Variants in MBD5 observed in about 807,000 individuals in gnomAD.
The protein encoded by MBD5 is methyl-CpG-binding domain protein 5.
MBD5 carries 13 observed loss-of-function variants against 117.3 expected under a neutral mutation model. The ratio of observed to expected loss-of-function variants is 0.11; its 90% CI spans 0.07 to 0.18. MBD5 has a LOEUF of 0.18. Ranked by LOEUF, MBD5 falls within the 10% of genes least tolerant of loss-of-function variation. The probability of loss-of-function intolerance (pLI) is 1.00; values close to 1 mark genes in which losing one functional copy is unlikely to be tolerated. For missense variants in MBD5, 1,879 were observed against 2,093.8 expected (o/e 0.90, Z 2.00); for synonymous variants, 727 against 766.4 (o/e 0.95, Z 0.85).
chr2:148,149,517 T>C (rs1381936678), intron 1 of MBD5, among the ~76,000 whole-genome samples: 4 of 150,576 alleles, frequency 2.7e-5, no homozygotes, highest in East Asian at 2.0e-4. Flanking sequence ...ATCGCCACAC[T>C]GACTTCCACA....
At chr2:148,166,622 C>T (rs755408861) in intron 1 of MBD5, among the ~76,000 whole-genome samples, 22 of 152,186 alleles carry the variant, frequency 1.4e-4, no homozygotes, top group Non-Finnish European at 2.5e-4. Context: ...TGTGTATTTG[C>T]GTTTTCTCTG....
Position 148,458,320 on chromosome 2 carries a change from A to G in MBD5, c.-439A>G. The stretch of plus-strand genomic sequence containing the variant: ...AAGAATGTGGCCTATAAAGGCGGGT[A>G]CCTGGAAATATTAACCGACTCACAC... On this transcript the variant is annotated 5_prime_UTR_variant, in exon 5 of 14. Transcript: ENST00000642680. The G allele has an allele frequency of 2.4e-6, 1 of 413,066 alleles. No homozygotes were observed. Among genetic ancestry groups the G allele is most frequent in the East Asian group, 3.4e-5 (1 of 29,208 alleles). The allele number at this position is 413,066 out of a possible 1,614,324, so 25.6% of individuals were successfully genotyped here. A position where few individuals can be genotyped will look rare whatever the true frequency, so the allele number is the denominator to read the frequency against.
At chr2:148,418,800 C>T (rs1345955190) in intron 4 of MBD5, among the ~76,000 whole-genome samples, 1 of 151,902 alleles carries the variant, frequency 6.6e-6, no homozygotes, top group Non-Finnish European at 1.5e-5. Flanking sequence ...CATAGTGCCC[C>T]AAACAATCTA....
intron 3 of MBD5, among the ~76,000 whole-genome samples, chr2:148,281,263 C>A (rs187908209): frequency 1.1e-3 from 166 of 152,252 alleles, no homozygotes; most frequent in African/African-American, 3.8e-3. Flanking sequence ...CAGTTTTCAT[C>A]TCTCTGTATC....
intron 3 of MBD5, among the ~76,000 whole-genome samples, chr2:148,288,754 A>G (rs532113460): frequency 1.3e-5 from 2 of 152,144 alleles, no homozygotes; most frequent in South Asian, 2.1e-4. Flanking sequence ...TAGAAATAAT[A>G]AAAAGGAAAA....
chr2:148,429,845 A>C (rs375141202), intron 4 of MBD5, among the ~76,000 whole-genome samples: 1 of 152,036 alleles, frequency 6.6e-6, no homozygotes, highest in Non-Finnish European at 1.5e-5. Flanking sequence ...GGGGCCTGTC[A>C]TGGGGTGGGG....
intron 1 of MBD5, among the ~76,000 whole-genome samples, chr2:148,145,397 C>T (rs886076037): frequency 1.3e-5 from 2 of 152,116 alleles, no homozygotes; most frequent in African/African-American, 2.4e-5. Flanking sequence ...TCTGCTAACA[C>T]GGACAATGTG....
chr2:148,363,818 C>G (rs559326252), intron 4 of MBD5, among the ~76,000 whole-genome samples: 1 of 152,130 alleles, frequency 6.6e-6, no homozygotes, highest in East Asian at 1.9e-4. Context: ...AAGGAACAAA[C>G]AAACCCTCCA....
intron 1 of MBD5, among the ~76,000 whole-genome samples, chr2:148,096,205 A>G (rs1485452700): frequency 2.6e-5 from 4 of 152,174 alleles, no homozygotes; most frequent in Non-Finnish European, 5.9e-5. Context: ...GAATCATACA[A>G]TAGTCTTATT....
At chr2:148,435,988 G>A (rs552112494) in intron 4 of MBD5, among the ~76,000 whole-genome samples, 2 of 152,178 alleles carry the variant, frequency 1.3e-5, no homozygotes, top group South Asian at 2.1e-4. Flanking sequence ...TCAAGTAAAC[G>A]AAGGCAAATT....
chr2:148,402,791 TG>T (rs1221863332), intron 4 of MBD5, among the ~76,000 whole-genome samples: 6 of 152,224 alleles, frequency 3.9e-5, no homozygotes, highest in Non-Finnish European at 8.8e-5. Flanking sequence ...GGGTGTTTTT[TG>T]TTTTGATTAT....
At chr2:148,219,509 G>C (rs1699633328) in intron 2 of MBD5, among the ~76,000 whole-genome samples, 1 of 152,076 alleles carries the variant, frequency 6.6e-6, no homozygotes, top group Non-Finnish European at 1.5e-5. Flanking sequence ...ATATGCAATT[G>C]ATAGTTGACC....
At chr2:148,398,503 G>T (rs1351245087) in intron 4 of MBD5, among the ~76,000 whole-genome samples, 3 of 152,054 alleles carry the variant, frequency 2.0e-5, no homozygotes, top group African/African-American at 7.2e-5. Flanking sequence ...GGGGTTGTTT[G>T]TTTTTTTCTT....
At chr2:148,273,077 CTT>C (rs1701022582) in intron 3 of MBD5, among the ~76,000 whole-genome samples, 2 of 152,044 alleles carry the variant, frequency 1.3e-5, no homozygotes, top group South Asian at 4.1e-4. Context: ...AAACATTTCT[CTT>C]TGTTTCTTTA....
At chr2:148,263,691 C>T (rs1242277111) in intron 3 of MBD5, among the ~76,000 whole-genome samples, 1 of 152,076 alleles carries the variant, frequency 6.6e-6, no homozygotes, top group African/African-American at 2.4e-5. Context: ...GGACAGCTGC[C>T]CTGCTGCACA....
At chr2:148,108,097 T>C (rs1487655384) in intron 1 of MBD5, among the ~76,000 whole-genome samples, 1 of 146,936 alleles carries the variant, frequency 6.8e-6, no homozygotes, top group African/African-American at 2.5e-5. Flanking sequence ...CAAACTTCTG[T>C]ACAGCCAATT....
intron 4 of MBD5, among the ~76,000 whole-genome samples, chr2:148,405,350 G>A (rs918355352): frequency 2.6e-5 from 4 of 152,178 alleles, no homozygotes; most frequent in Admixed American, 6.5e-5. Context: ...CACGAGTGCT[G>A]AGAATAAGTC....
At chr2:148,428,337 A>T (rs1705873127) in intron 4 of MBD5, among the ~76,000 whole-genome samples, 1 of 152,174 alleles carries the variant, frequency 6.6e-6, no homozygotes, top group African/African-American at 2.4e-5. Flanking sequence ...TGCTCAAGGA[A>T]ATAAGAGAGG....
chr2:148,149,388 C>T (rs1295580253), intron 1 of MBD5, among the ~76,000 whole-genome samples: 8 of 140,508 alleles, frequency 5.7e-5, no homozygotes, highest in East Asian at 2.0e-4. Context: ...TGAATAATGC[C>T]GCAATAAACA....
Sources: gnomAD v4.1 joint callset for allele counts (sites outside exome capture counted in the v4.1 genomes callset) on GRCh38, gnomAD v4.1.1 for gene constraint, MANE v1.5 for transcripts, NCBI Gene and HGNC (gene_info 2026-07-23, HGNC 2026-07-21) for gene names.